Variants in CDH20 observed in about 807,000 individuals in gnomAD.
CDH20 encodes cadherin 20, also known as cadherin-20.
CDH20 carries 29 observed loss-of-function variants against 74.2 expected under a neutral mutation model. The ratio of observed to expected loss-of-function variants is 0.39; its 90% CI spans 0.29 to 0.53. The LOEUF is 0.53. CDH20 is among the 20% of genes least tolerant of loss of function. The pLI is 0.69. For missense variants in CDH20, 988 were observed against 1,048.3 expected (o/e 0.94, Z 0.79); for synonymous variants, 469 against 405.4 (o/e 1.16, Z -1.88).
chr18:61,401,087 A>G (rs1254670286), intron 1 of CDH20, among the ~76,000 whole-genome samples: 1 of 152,220 alleles, frequency 6.6e-6, no homozygotes, highest in Non-Finnish European at 1.5e-5. Flanking sequence ...GTGCAGCTGC[A>G]TCTCCAGCAT....
rs139543625 is a variant in CDH20 at position 61,420,525 on chromosome 18, A to T, written c.-152-69877A>T. 1.4e-3 allele frequency among the ~76,000 whole-genome samples: 218 copies of T among 152,326 alleles called. 1 individual carries two copies. Among genetic ancestry groups the T allele is most frequent in the African/African-American group, 4.9e-3 (204 of 41,564 alleles). ...GGTACCCACAGTCTACCAAATTAGT[A>T]ACCTAAACACTAGAATAGGAATTGA... On this transcript the variant is annotated intron_variant, in intron 1 of 11. Coordinates refer to ENST00000262717, the MANE Select transcript of CDH20 (RefSeq NM_031891.4).
intron 1 of CDH20, among the ~76,000 whole-genome samples, chr18:61,425,716 G>A (rs1324467570): frequency 6.6e-6 from 1 of 152,148 alleles, no homozygotes. Flanking sequence ...GGAGAAGGGG[G>A]TGAGTGATAA....
intron 1 of CDH20, chr18:61,405,285 A>G (rs1205153646): frequency 5.8e-6 from 2 of 342,144 alleles, no homozygotes; most frequent in African/African-American, 4.4e-5. Context: ...GCCATTGTCA[A>G]CTCTTAAAAG....
chr18:61,502,738 G>A (rs1204905699), intron 4 of CDH20, among the ~76,000 whole-genome samples: 2 of 152,138 alleles, frequency 1.3e-5, no homozygotes, highest in East Asian at 3.9e-4. Flanking sequence ...AGCCCTCTGA[G>A]CTCTTCCTGC....
intron 1 of CDH20, among the ~76,000 whole-genome samples, chr18:61,367,285 A>C (rs980093300): frequency 6.6e-6 from 1 of 152,204 alleles, no homozygotes; most frequent in African/African-American, 2.4e-5. Context: ...AACCCAAAAG[A>C]GATGAAACCA....
At chr18:61,396,439 G>A (rs1911980280) in intron 1 of CDH20, among the ~76,000 whole-genome samples, 1 of 151,880 alleles carries the variant, frequency 6.6e-6, no homozygotes, top group African/African-American at 2.4e-5. Context: ...TCTGCTCAGA[G>A]GGCTTAAAAC....
chr18:61,457,256 A>G (rs954339206), intron 1 of CDH20, among the ~76,000 whole-genome samples: 7 of 152,108 alleles, frequency 4.6e-5, no homozygotes, highest in African/African-American at 1.7e-4. Flanking sequence ...ATGTGAATCT[A>G]GAACACCTGG....
intron 1 of CDH20, among the ~76,000 whole-genome samples, chr18:61,452,917 AG>A (rs1367638700): frequency 6.6e-6 from 1 of 152,216 alleles, no homozygotes; most frequent in Non-Finnish European, 1.5e-5. Context: ...TTCAATAAAA[AG>A]TAGGCCCCCT....
chr18:61,510,674 ATCC>A (rs1911746880), intron 6 of CDH20, among the ~76,000 whole-genome samples: 15 of 152,334 alleles, frequency 9.8e-5, no homozygotes, highest in South Asian at 2.1e-4. Context: ...AAATCTTTCT[ATCC>A]TGTAAACAAT....
intron 1 of CDH20, among the ~76,000 whole-genome samples, chr18:61,426,529 C>CA (rs1161898725): frequency 6.6e-6 from 1 of 152,152 alleles, no homozygotes; most frequent in Non-Finnish European, 1.5e-5. Context: ...TGCTTTCCAA[C>CA]AAAACCTAAG....
chr18:61,456,845 T>G (rs1159231374), intron 1 of CDH20, among the ~76,000 whole-genome samples: 4 of 152,148 alleles, frequency 2.6e-5, no homozygotes, highest in African/African-American at 9.6e-5. Context: ...CTTCCTGGTG[T>G]GCAGGTGGTT....
intron 6 of CDH20, among the ~76,000 whole-genome samples, chr18:61,515,572 A>G (rs957660871): frequency 1.3e-5 from 2 of 151,924 alleles, no homozygotes; most frequent in African/African-American, 4.8e-5. Flanking sequence ...AATGTGGCAC[A>G]TATACACCAT....
chr18:61,510,964 C>A (rs78882445), intron 6 of CDH20, among the ~76,000 whole-genome samples: 2 of 24,688 alleles, frequency 8.1e-5, no homozygotes, highest in African/African-American at 3.4e-4. Flanking sequence ...TGGGTTTTTT[C>A]TTTCTTTCTT....
intron 1 of CDH20, among the ~76,000 whole-genome samples, chr18:61,342,113 T>C (rs1168004241): frequency 6.6e-6 from 1 of 152,238 alleles, no homozygotes; most frequent in East Asian, 1.9e-4. Context: ...TGTTTCGAGT[T>C]GTTTCTTTAA....
At position 61,457,371 on chromosome 18, in the gene CDH20, A is replaced by G. The variant is rs558735711; in HGVS notation, c.-152-33031A>G. Reference sequence around the variant, plus strand: ...TTCAAAGTGCTTGTTGTACTATCTCATTTAATGCTAACAACCACCCTAAAA... The same window carrying G: ...TTCAAAGTGCTTGTTGTACTATCTCGTTTAATGCTAACAACCACCCTAAAA... On this transcript the variant is annotated intron_variant, in intron 1 of 11. Transcript: ENST00000262717. Among the ~76,000 whole-genome samples, 5 of 152,200 alleles carry G rather than the reference A, an allele frequency of 3.3e-5. No individual in the cohort carries two copies. In the East Asian group the frequency reaches 7.7e-4, roughly 24 times the overall value.
rs1599120716 is a variant in CDH20, at chr18:61,490,404, A to G, written c.-150A>G. 8.1e-6 allele frequency: 6 copies of G among 737,668 alleles called. No homozygotes were observed. The East Asian group carries it at 1.3e-4, about 16-fold the overall frequency. 45.7% of individuals were successfully genotyped at this position (737,668 alleles called of 1,614,324 possible). A position where few individuals can be genotyped will look rare whatever the true frequency, so the allele number is the denominator to read the frequency against. On this transcript the variant is annotated splice_region_variant and 5_prime_UTR_variant, in exon 2 of 12. Transcript: ENST00000262717. ...CTGTGTTTTCCTTAACTTGACAGGA[A>G]GTCAACTTCAAGCAGATTGACTTGA...
intron 1 of CDH20, among the ~76,000 whole-genome samples, chr18:61,368,889 G>C: frequency 1.1e-3 from 1 of 952 alleles, no homozygotes; most frequent in East Asian, 0.018. Context: ...TTCCAAATAA[G>C]TTGGGGAGTT....
intron 1 of CDH20, among the ~76,000 whole-genome samples, chr18:61,421,342 TGAA>T (rs1912871714): frequency 6.6e-6 from 1 of 152,226 alleles, no homozygotes; most frequent in Non-Finnish European, 1.5e-5. Flanking sequence ...TTTCACTTAA[TGAA>T]ATTCATAATA....
At chr18:61,422,907 G>T (rs1031674351) in intron 1 of CDH20, among the ~76,000 whole-genome samples, 5 of 152,010 alleles carry the variant, frequency 3.3e-5, no homozygotes, top group African/African-American at 1.2e-4. Flanking sequence ...TAGTTCCAAT[G>T]ATTATATTTT....
Sources: allele counts gnomAD v4.1 joint callset (sites outside exome capture counted in the v4.1 genomes callset), GRCh38; gene constraint gnomAD v4.1.1; transcripts MANE v1.5; gene names NCBI Gene and HGNC (gene_info 2026-07-23, HGNC 2026-07-21).